RAB5A: variants seen among roughly 807,000 people sequenced by gnomAD.
RAB5A encodes the protein ras-related protein Rab-5A.
A neutral mutation model predicts 25.7 loss-of-function variants in RAB5A; 8 were observed. That is an observed-to-expected ratio of 0.31 (90% CI 0.18 to 0.56). The LOEUF (loss-of-function observed/expected upper bound fraction) is 0.56, where lower values mean the gene tolerates loss of function less well. Among genes scored for constraint, RAB5A ranks in the 20% least tolerant of loss-of-function variants. The probability of loss-of-function intolerance (pLI) is 0.91; values close to 1 mark genes in which losing one functional copy is unlikely to be tolerated. For synonymous variants in RAB5A, 98 were observed against 89.8 expected (o/e 1.09, Z -0.52); for missense variants, 192 against 259.7 (o/e 0.74, Z 1.79).
chr3:19,959,973 C>T (rs537522640), intron 2 of RAB5A, among the ~76,000 whole-genome samples: 2 of 152,174 alleles, frequency 1.3e-5, no homozygotes, highest in African/African-American at 4.8e-5. Context: ...TTTGGAGACA[C>T]ACTCAGAGGC....
chr3:19,975,786 T>C, intron 3 of RAB5A, 34 bp downstream of exon 3: 2 of 1,564,580 alleles, frequency 1.3e-6, no homozygotes, highest in Non-Finnish European at 8.7e-7. Context: ...TAAAACTAAT[T>C]TGAGTACCCA....
intron 4 of RAB5A, among the ~76,000 whole-genome samples, chr3:19,977,451 T>C (rs2125131119): frequency 6.6e-6 from 1 of 152,356 alleles, no homozygotes; most frequent in African/African-American, 2.4e-5. Flanking sequence ...GGCTGTTCTG[T>C]ATATATCAGT....
At chr3:19,948,409 A>C (rs1334444845) in intron 1 of RAB5A, among the ~76,000 whole-genome samples, 1 of 152,254 alleles carries the variant, frequency 6.6e-6, no homozygotes, top group Non-Finnish European at 1.5e-5. Context: ...CAGCATTTGT[A>C]TAAACAAAGT....
At chr3:19,970,151 C>T (rs1315056791) in intron 2 of RAB5A, among the ~76,000 whole-genome samples, 1 of 152,148 alleles carries the variant, frequency 6.6e-6, no homozygotes, top group African/African-American at 2.4e-5. Context: ...CCACCCACCT[C>T]GGCCTCCCAA....
At chr3:19,983,593 G>A (rs1364780136) in intron 5 of RAB5A, 115 bp from the exon 6 acceptor site, 2 of 713,666 alleles carry the variant, frequency 2.8e-6, no homozygotes, top group African/African-American at 1.8e-5. Context: ...TGAACATATG[G>A]TTATATGATA....
chr3:19,983,364 GAAGT>G (rs1048456452), intron 5 of RAB5A, among the ~76,000 whole-genome samples: 2 of 115,676 alleles, frequency 1.7e-5, no homozygotes, highest in African/African-American at 6.7e-5. Context: ...AAAAAAAAAA[GAAGT>G]AATAATGAGT....
intron 2 of RAB5A, among the ~76,000 whole-genome samples, chr3:19,967,175 C>G (rs962887716): frequency 6.9e-6 from 1 of 145,534 alleles, no homozygotes. Context: ...GATGGAGTTT[C>G]AGTCTGCCGC....
At chr3:19,972,326 A>T (rs1006968225) in intron 2 of RAB5A, among the ~76,000 whole-genome samples, 1 of 152,204 alleles carries the variant, frequency 6.6e-6, no homozygotes, top group Non-Finnish European at 1.5e-5. Flanking sequence ...CAGATAAGGG[A>T]TACTTAACCT....
chr3:19,975,568 A>C, intron 2 of RAB5A, 33 bp from the exon 3 acceptor site: 1 of 1,597,864 alleles, frequency 6.3e-7, no homozygotes, highest in East Asian at 2.2e-5. Flanking sequence ...TTTGGAGAAA[A>C]ATGATTGACT....
chr3:19,984,184 T>C lies in RAB5A; in HGVS notation c.*361T>C, dbSNP rs1483065941. 4.8e-6 allele frequency: 2 copies of C among 420,496 alleles called. No homozygotes were observed. The highest frequency in any genetic ancestry group is 9.1e-6 in the Non-Finnish European group (2 of 219,166). 26.0% of individuals were successfully genotyped at this position (420,496 alleles called of 1,614,324 possible). ...CAGTAGTCACCTGTGAAAAAAAAAT[T>C]GGAACTTACTAATTTGGGCTTTTCA... On this transcript the variant is annotated 3_prime_UTR_variant, in exon 6 of 6. Transcript: ENST00000273047.
At chr3:19,970,970 A>C (rs1413762192) in intron 2 of RAB5A, among the ~76,000 whole-genome samples, 2 of 152,036 alleles carry the variant, frequency 1.3e-5, no homozygotes, top group Non-Finnish European at 2.9e-5. Context: ...GCCAAGGCGG[A>C]TGGATCACCA....
intron 1 of RAB5A, 56 bp from the exon 2 acceptor site, chr3:19,950,746 GATTA>G (rs1696410335): frequency 1.5e-6 from 1 of 684,092 alleles, no homozygotes; most frequent in Non-Finnish European, 2.4e-6. Context: ...TATTTAAAGT[GATTA>G]ATAGTAAATT....
intron 5 of RAB5A, among the ~76,000 whole-genome samples, chr3:19,982,968 G>C (rs1013381278): frequency 2.0e-5 from 3 of 152,116 alleles, no homozygotes; most frequent in Non-Finnish European, 4.4e-5. Flanking sequence ...TCTAGAGAAC[G>C]CTGATATGAG....
At chr3:19,951,701 G>GCTTTTTTTTTTTTTT (rs1553638044) in intron 2 of RAB5A, among the ~76,000 whole-genome samples, 1 of 99,014 alleles carries the variant, frequency 1.0e-5, no homozygotes, top group Non-Finnish European at 2.0e-5. Context: ...TGCCAGGCAA[G>GCTTTTTTTTTTTTTT]TTTTTTTTTT....
chr3:19,980,831 T>G (rs2125133025), intron 5 of RAB5A, among the ~76,000 whole-genome samples: 1 of 152,222 alleles, frequency 6.6e-6, no homozygotes, highest in East Asian at 1.9e-4. Flanking sequence ...TTGAAGGCTT[T>G]CTTTCCAAAC....
At chr3:19,966,967 A>G (rs1197430931) in intron 2 of RAB5A, among the ~76,000 whole-genome samples, 1 of 151,916 alleles carries the variant, frequency 6.6e-6, no homozygotes. Flanking sequence ...GGCTATGTAA[A>G]TTTTTTATAG....
chr3:19,951,995 G>A (rs1303556316), intron 2 of RAB5A, among the ~76,000 whole-genome samples: 1 of 152,152 alleles, frequency 6.6e-6, no homozygotes, highest in East Asian at 1.9e-4. Context: ...AAGGTAAGAT[G>A]CAGGGTGAAA....
intron 1 of RAB5A, among the ~76,000 whole-genome samples, chr3:19,948,637 A>G (rs1015651801): frequency 6.6e-6 from 1 of 152,208 alleles, no homozygotes; most frequent in Non-Finnish European, 1.5e-5. Flanking sequence ...CTAAGTGTAT[A>G]TTTACCATTA....
intron 4 of RAB5A, among the ~76,000 whole-genome samples, chr3:19,977,073 C>CTT (rs752373114): frequency 7.1e-6 from 1 of 141,770 alleles, no homozygotes. Context: ...TCTATTTAGA[C>CTT]TTTTTTTTTT....
Sources: allele counts gnomAD v4.1 joint callset (sites outside exome capture counted in the v4.1 genomes callset), GRCh38; gene constraint gnomAD v4.1.1; transcripts MANE v1.5; gene names NCBI Gene and HGNC (gene_info 2026-07-23, HGNC 2026-07-21).